Variants in RAB5A observed in about 807,000 individuals in gnomAD.
RAB5A encodes the protein ras-related protein Rab-5A.
RAB5A carries 8 observed loss-of-function variants against 25.7 expected under a neutral mutation model. That is an observed-to-expected ratio of 0.31 (90% CI 0.18 to 0.56). The LOEUF (loss-of-function observed/expected upper bound fraction) is 0.56. Ranked by LOEUF, RAB5A falls within the 20% of genes least tolerant of loss-of-function variation. RAB5A has a pLI of 0.91. For missense variants in RAB5A, 192 were observed against 259.7 expected, an observed-to-expected ratio of 0.74 and a Z score of 1.79; for synonymous variants, 98 against 89.8, an observed-to-expected ratio of 1.09 and a Z score of -0.52.
chr3:19,981,806 G>A lies in RAB5A; in HGVS notation c.533-1902G>A, dbSNP rs1007571668. Reference sequence around the variant, plus strand: ...GTAAAGCCGTAACTGCTGGTTGAGAGTGTTGTCTGAATTTGACAAGCCACA... The same window carrying A: ...GTAAAGCCGTAACTGCTGGTTGAGAATGTTGTCTGAATTTGACAAGCCACA... On this transcript the variant is annotated intron_variant, in intron 5 of 5. Transcript: ENST00000273047. Among the ~76,000 whole-genome samples the A allele has an allele frequency of 2.0e-5, 3 of 152,058 alleles. No homozygotes were observed. In the East Asian group the frequency reaches 5.8e-4, roughly 29 times the overall value.
intron 2 of RAB5A, among the ~76,000 whole-genome samples, chr3:19,954,793 G>A (rs1294623855): frequency 1.3e-5 from 2 of 152,266 alleles, no homozygotes; most frequent in African/African-American, 4.8e-5. Flanking sequence ...ACTCCAGCCT[G>A]GGTGACAGTG....
intron 2 of RAB5A, among the ~76,000 whole-genome samples, chr3:19,953,466 G>A (rs1696454348): frequency 1.4e-5 from 2 of 147,930 alleles, no homozygotes; most frequent in Non-Finnish European, 1.5e-5. Flanking sequence ...GGAGTGCAGT[G>A]GTGTAGCCCT....
rs1236493358 is a variant in RAB5A at position 19,952,680 on chromosome 3, CTTTTA to C, written c.163+1624_163+1628del. 2.6e-5 allele frequency among the ~76,000 whole-genome samples: 4 copies of C among 151,798 alleles called. No homozygotes were observed. In the East Asian group the frequency reaches 7.7e-4, roughly 29 times the overall value. On this transcript the variant is annotated intron_variant, in intron 2 of 5. Transcript: ENST00000273047. ...CTGAGCATCAGAAAGCATCATGGAG[CTTTTA>C]TTTTGAGTCAGAAGTCTTGGCATTT... is the stretch of plus-strand genomic sequence containing the variant.
At chr3:19,956,655 C>G (rs1696506979) in intron 2 of RAB5A, among the ~76,000 whole-genome samples, 1 of 152,104 alleles carries the variant, frequency 6.6e-6, no homozygotes, top group Non-Finnish European at 1.5e-5. Flanking sequence ...ACTATTTTAC[C>G]TAACAATTTA....
At chr3:19,958,332 A>G (rs1211124824) in intron 2 of RAB5A, among the ~76,000 whole-genome samples, 1 of 152,200 alleles carries the variant, frequency 6.6e-6, no homozygotes, top group Non-Finnish European at 1.5e-5. Context: ...GTTGGTAGAG[A>G]TTTGATATTT....
At chr3:19,966,192 ACTACCCCTTCTTCCC>A (rs1696659911) in intron 2 of RAB5A, among the ~76,000 whole-genome samples, 1 of 152,118 alleles carries the variant, frequency 6.6e-6, no homozygotes, top group African/African-American at 2.4e-5. Flanking sequence ...CTAAACAATA[ACTACCCCTTCTTCCC>A]GTGTCTGGCA....
chr3:19,951,701 G>GTTTTTTT lies in RAB5A; in HGVS notation c.163+652_163+658dup, dbSNP rs61250458. ...GGGTGCATGCCACCATGCCAGGCAAGTTTTTTTTTTTTTTTTTTAAGAGTC... is the reference window on the plus strand; with the variant it reads ...GGGTGCATGCCACCATGCCAGGCAAGTTTTTTTTTTTTTTTTTTTTTTTTTAAGAGTC... On this transcript the variant is annotated intron_variant, in intron 2 of 5. Transcript: ENST00000273047. 7.2e-4 allele frequency among the ~76,000 whole-genome samples: 71 copies of GTTTTTTT among 98,994 alleles called. 4 individuals are homozygous for GTTTTTTT. Among genetic ancestry groups the GTTTTTTT allele is most frequent in the African/African-American group, 2.0e-3 (48 of 24,386 alleles). The allele number at this position is 98,994 out of a possible 152,430, so 64.9% of individuals were successfully genotyped here.
intron 5 of RAB5A, chr3:19,980,290 C>G (rs1053396620): frequency 6.6e-6 from 1 of 152,118 alleles, no homozygotes; most frequent in Non-Finnish European, 1.5e-5. Flanking sequence ...CCTTTTTATT[C>G]AAACATGCTA....
chr3:19,969,956 A>T (rs1469617680), intron 2 of RAB5A, among the ~76,000 whole-genome samples: 1 of 151,820 alleles, frequency 6.6e-6, no homozygotes, highest in East Asian at 1.9e-4. Flanking sequence ...GGCTCATGCC[A>T]CCATGCCCGG....
At chr3:19,948,565 CAG>C (rs774847969) in intron 1 of RAB5A, among the ~76,000 whole-genome samples, 15 of 152,178 alleles carry the variant, frequency 9.9e-5, no homozygotes, top group East Asian at 1.9e-4. Context: ...TTTTGCAAAA[CAG>C]AAGTTTCAGT....
At chr3:19,973,663 G>T (rs1307313684) in intron 2 of RAB5A, among the ~76,000 whole-genome samples, 4 of 152,126 alleles carry the variant, frequency 2.6e-5, no homozygotes, top group African/African-American at 9.7e-5. Context: ...AACTGGATTA[G>T]AATATATTTA....
chr3:19,955,246 A>G (rs911370259), intron 2 of RAB5A, among the ~76,000 whole-genome samples: 5 of 152,188 alleles, frequency 3.3e-5, no homozygotes, highest in Non-Finnish European at 4.4e-5. Flanking sequence ...TGTATGCACT[A>G]ATCAAAAAAT....
intron 2 of RAB5A, among the ~76,000 whole-genome samples, chr3:19,968,868 C>T (rs532236750): frequency 6.6e-6 from 1 of 152,174 alleles, no homozygotes; most frequent in African/African-American, 2.4e-5. Context: ...TACCTACTCT[C>T]CTGCCCTCAC....
chr3:19,965,087 A>C (rs188673926), intron 2 of RAB5A, among the ~76,000 whole-genome samples: 2 of 149,142 alleles, frequency 1.3e-5, no homozygotes, highest in Admixed American at 1.3e-4. Flanking sequence ...ATGCCCGACT[A>C]ATTTTTGTAT....
intron 2 of RAB5A, among the ~76,000 whole-genome samples, chr3:19,971,480 T>TG (rs1559490888): frequency 1.2e-4 from 18 of 151,616 alleles, no homozygotes; most frequent in Non-Finnish European, 2.2e-4. Context: ...TGGTGGTGGT[T>TG]GTTGTTTTGA....
chr3:19,958,817 A>G (rs1009053370), intron 2 of RAB5A, among the ~76,000 whole-genome samples: 22 of 152,290 alleles, frequency 1.4e-4, no homozygotes, highest in Non-Finnish European at 3.2e-4. Context: ...CCTGGGTGAC[A>G]GGGCGCTGAG....
chr3:19,955,872 G>T (rs1341337325), intron 2 of RAB5A, among the ~76,000 whole-genome samples: 3 of 152,140 alleles, frequency 2.0e-5, no homozygotes, highest in Non-Finnish European at 4.4e-5. Flanking sequence ...ACTCCAGCCT[G>T]GGTGTCTCAG....
intron 2 of RAB5A, among the ~76,000 whole-genome samples, chr3:19,967,841 C>T (rs1264116894): frequency 6.6e-6 from 1 of 152,150 alleles, no homozygotes; most frequent in Non-Finnish European, 1.5e-5. Flanking sequence ...TCACGACTGT[C>T]GCTTCTGCAG....
intron 2 of RAB5A, among the ~76,000 whole-genome samples, chr3:19,961,425 G>A (rs913208001): frequency 2.0e-5 from 3 of 152,072 alleles, no homozygotes; most frequent in African/African-American, 7.3e-5. Flanking sequence ...CATAGTTAGA[G>A]TACACATGAC....
Sources: allele counts gnomAD v4.1 joint callset (sites outside exome capture counted in the v4.1 genomes callset), GRCh38; gene constraint gnomAD v4.1.1; transcripts MANE v1.5; gene names NCBI Gene and HGNC (gene_info 2026-07-23, HGNC 2026-07-21).